ERC2: variants seen among roughly 807,000 people sequenced by gnomAD.
ERC2 encodes the protein ELKS/RAB6-interacting/CAST family member 2, also known as ERC protein 2.
In ERC2, 42 loss-of-function variants were observed where a neutral mutation model predicts 114.8. The ratio of observed to expected loss-of-function variants is 0.37; its 90% confidence interval spans 0.29 to 0.47. The LOEUF (loss-of-function observed/expected upper bound fraction) is 0.47, where lower values mean the gene tolerates loss of function less well. Ranked by LOEUF, ERC2 falls within the 20% of genes least tolerant of loss-of-function variation. The pLI is 0.99. For synonymous variants in ERC2, 454 were observed against 425.5 expected, an observed-to-expected ratio of 1.07 and a Z score of -0.82; for missense variants, 939 against 1,150.7, an observed-to-expected ratio of 0.82 and a Z score of 2.66.
chr3:56,313,104 G>C (rs1465452151), intron 2 of ERC2, among the ~76,000 whole-genome samples: 1 of 135,212 alleles, frequency 7.4e-6, no homozygotes, highest in African/African-American at 2.7e-5. Flanking sequence ...ACAAAAATGT[G>C]TCCAGCATAC....
At chr3:56,195,658 G>A (rs1267384863) in intron 3 of ERC2, among the ~76,000 whole-genome samples, 2 of 151,794 alleles carry the variant, frequency 1.3e-5, no homozygotes, top group Non-Finnish European at 2.9e-5. Flanking sequence ...AGGAAACCTT[G>A]TCTCTACAAA....
chr3:56,450,971 C>T (rs1470229572), intron 1 of ERC2, among the ~76,000 whole-genome samples: 1 of 151,918 alleles, frequency 6.6e-6, no homozygotes, highest in Non-Finnish European at 1.5e-5. Context: ...TATTCATCGC[C>T]CCATAAAGTC....
Position 55,610,064 on chromosome 3 carries a change from C to CAAA in ERC2, c.*39+73727_*39+73729dup, listed in dbSNP as rs36088271. Among the ~76,000 whole-genome samples the CAAA allele has an allele frequency of 2.3e-4, 27 of 118,766 alleles. 1 individual carries two copies. The highest frequency in any genetic ancestry group is 1.4e-3 in the South Asian group (5 of 3,534). 77.9% of individuals were successfully genotyped at this position (118,766 alleles called of 152,430 possible). On this transcript the variant is annotated intron_variant, in intron 17 of 17. Transcript: ENST00000288221. ...AAAGCAAAAAACAAACAAACACAAA[C>CAAA]AAAAAAAAAAAAAAAAAAAACAAGA...
rs2078963136 is a variant in ERC2 at position 56,111,442 on chromosome 3, G to C, written c.1473+28067C>G. 2.6e-5 allele frequency among the ~76,000 whole-genome samples: 4 copies of C among 151,440 alleles called. No homozygotes were observed. The East Asian group carries it at 5.9e-4, about 22-fold the overall frequency. On this transcript the variant is annotated intron_variant, in intron 6 of 17. Coordinates refer to ENST00000288221, the MANE Select transcript of ERC2 (RefSeq NM_015576.3). ...CCCCCCTCTCTCTCACCAGCTCCAA[G>C]AGTGCACCTCCTCCTGCCTTTGGTG...
intron 6 of ERC2, among the ~76,000 whole-genome samples, chr3:56,130,986 T>C (rs73078465): frequency 0.031 from 4,641 of 152,130 alleles, 158 homozygotes; most frequent in African/African-American, 0.078. Context: ...AAACAAAGCC[T>C]ACAGACATTA....
intron 7 of ERC2, among the ~76,000 whole-genome samples, chr3:56,031,286 C>T (rs1329743394): frequency 6.6e-6 from 1 of 152,148 alleles, no homozygotes; most frequent in Non-Finnish European, 1.5e-5. Context: ...AGATCCAGTC[C>T]CACCCTAAAT....
At chr3:55,812,924 G>C (rs774582574) in intron 14 of ERC2, among the ~76,000 whole-genome samples, 11 of 152,228 alleles carry the variant, frequency 7.2e-5, no homozygotes, top group African/African-American at 2.2e-4. Context: ...CATGAATCAA[G>C]TATCATGGTG....
chr3:56,180,001 GGTCAGGAA>G (rs1040750630), intron 3 of ERC2, among the ~76,000 whole-genome samples: 27 of 152,142 alleles, frequency 1.8e-4, no homozygotes, highest in African/African-American at 6.0e-4. Context: ...AAGAGTGAGG[GGTCAGGAA>G]GTCAGGAGCA....
rs998320555 is a variant in ERC2, at chr3:56,434,876, C to T, written c.132G>A (p.Leu44=). 3 of 1,613,898 alleles carry T rather than the reference C, an allele frequency of 1.9e-6. No homozygotes were observed. Among genetic ancestry groups the T allele is most frequent in the Non-Finnish European group, 2.5e-6 (3 of 1,179,888 alleles). The change falls in exon 2 of 18, where the codon CTG becomes CTA. Residue 44 remains leucine (L), a synonymous_variant. Transcript: ENST00000288221. Reference sequence around the variant, plus strand: ...TGAGGGACTGGATATTCTCCATAGACAGAGTCTTGCCTGTTCCTCCACCTC... The same window carrying T: ...TGAGGGACTGGATATTCTCCATAGATAGAGTCTTGCCTGTTCCTCCACCTC... The part of the protein sequence containing the change: ...SGGGGGTGKT[L]SMENIQSLNA...
chr3:56,051,079 C>T (rs1167528517), intron 7 of ERC2, among the ~76,000 whole-genome samples: 2 of 152,166 alleles, frequency 1.3e-5, no homozygotes, highest in African/African-American at 4.8e-5. Context: ...TTCTACCCAA[C>T]AGAAGACACA....
intron 17 of ERC2, among the ~76,000 whole-genome samples, chr3:55,518,224 T>C (rs146895087): frequency 2.7e-3 from 413 of 152,338 alleles, no homozygotes; most frequent in African/African-American, 9.5e-3. Flanking sequence ...TGGTTGACTG[T>C]GCTGTTTTAA....
At chr3:55,875,034 C>CA (rs1456362143) in intron 14 of ERC2, among the ~76,000 whole-genome samples, 2 of 152,188 alleles carry the variant, frequency 1.3e-5, no homozygotes, top group South Asian at 2.1e-4. Flanking sequence ...CAGAGTCAGC[C>CA]AGCAAGGGAT....
chr3:55,701,046 T>A (rs138213077), intron 15 of ERC2, among the ~76,000 whole-genome samples: 1 of 152,120 alleles, frequency 6.6e-6, no homozygotes. Context: ...AAGATGACAA[T>A]GAACCAACAA....
chr3:55,997,793 A>T (rs891607550), intron 10 of ERC2, among the ~76,000 whole-genome samples: 3 of 150,286 alleles, frequency 2.0e-5, no homozygotes, highest in Non-Finnish European at 4.4e-5. Context: ...TTTAAAATAT[A>T]TCAATACCAG....
At chr3:56,100,205 C>T (rs1476055328) in intron 6 of ERC2, among the ~76,000 whole-genome samples, 1 of 152,120 alleles carries the variant, frequency 6.6e-6, no homozygotes, top group East Asian at 1.9e-4. Flanking sequence ...ATTTGAATAA[C>T]GTTATTTTTC....
chr3:55,604,736 C>T (rs988163051), intron 17 of ERC2, among the ~76,000 whole-genome samples: 2 of 152,198 alleles, frequency 1.3e-5, no homozygotes, highest in Non-Finnish European at 2.9e-5. Context: ...GTAAAGATCA[C>T]TCTGCCAACT....
In ERC2 at chr3:55,641,549, CAAAAAAAAAAAAA is replaced by C. The variant is rs57407975; in HGVS notation, c.*39+42232_*39+42244del. Among the ~76,000 whole-genome samples, 24 of 28,350 alleles carry C rather than the reference CAAAAAAAAAAAAA, an allele frequency of 8.5e-4. 2 individuals are homozygous for C. Among genetic ancestry groups the C allele is most frequent in the Middle Eastern group, 0.045 (1 of 22 alleles). 18.6% of individuals were successfully genotyped at this position (28,350 alleles called of 152,430 possible). A position where few individuals can be genotyped will look rare whatever the true frequency, so the allele number is the denominator to read the frequency against. ...TGGGTGACAGAGCAAGATTCTATCTCAAAAAAAAAAAAAAAAAAAAAAAAAAAAAAGCCAATAT... is the reference window on the plus strand; with the variant it reads ...TGGGTGACAGAGCAAGATTCTATCTCAAAAAAAAAAAAAAAAAGCCAATAT... On this transcript the variant is annotated intron_variant, in intron 17 of 17. Coordinates refer to ENST00000288221, the MANE Select transcript of ERC2 (RefSeq NM_015576.3).
At chr3:56,012,425 CCCAG>C (rs1203685941) in intron 8 of ERC2, among the ~76,000 whole-genome samples, 2 of 152,146 alleles carry the variant, frequency 1.3e-5, no homozygotes, top group African/African-American at 4.8e-5. Flanking sequence ...TGATCATCCT[CCCAG>C]CCCCACTTTC....
chr3:55,949,547 A>G (rs891913371), intron 13 of ERC2, among the ~76,000 whole-genome samples: 1 of 149,898 alleles, frequency 6.7e-6, no homozygotes, highest in Non-Finnish European at 1.5e-5. Context: ...GCCATGCTCT[A>G]TGCAAGGTAT....
Sources: gnomAD v4.1 joint callset for allele counts (sites outside exome capture counted in the v4.1 genomes callset) on GRCh38, gnomAD v4.1.1 for gene constraint, MANE v1.5 for transcripts, NCBI Gene and HGNC (gene_info 2026-07-23, HGNC 2026-07-21) for gene names.